The following CPS1 variants were observed in gnomAD, a reference collection of about 807,000 sequenced individuals.
The protein encoded by CPS1 is carbamoyl-phosphate synthase [ammonia], mitochondrial.
A neutral mutation model predicts 174.6 loss-of-function variants in CPS1; 109 were observed. The ratio of observed to expected loss-of-function variants is 0.62; its 90% CI spans 0.53 to 0.73. The LOEUF (loss-of-function observed/expected upper bound fraction) is 0.73, where lower values mean the gene tolerates loss of function less well. CPS1 is among the 30% of genes least tolerant of loss of function. The pLI is 0.00. For missense variants in CPS1, 1,689 were observed against 1,821.9 expected, an observed-to-expected ratio of 0.93 and a Z score of 1.33; for synonymous variants, 637 against 632.0, an observed-to-expected ratio of 1.01 and a Z score of -0.12.
At chr2:210,570,872 T>C (rs897205960) in intron 1 of CPS1, among the ~76,000 whole-genome samples, 1 of 151,954 alleles carries the variant, frequency 6.6e-6, no homozygotes, top group African/African-American at 2.4e-5. Context: ...AACACACTTC[T>C]ATTCAGACCC....
chr2:210,515,422 T>G (rs895394417), intron 1 of CPS1, among the ~76,000 whole-genome samples: 6 of 151,812 alleles, frequency 4.0e-5, no homozygotes, highest in Non-Finnish European at 4.4e-5. Context: ...TCTTTCTGAT[T>G]AAATGTTAGT....
chr2:210,670,375 G>A (rs1018543419), intron 34 of CPS1, among the ~76,000 whole-genome samples: 10 of 152,124 alleles, frequency 6.6e-5, no homozygotes, highest in Middle Eastern at 3.4e-3. Flanking sequence ...CTGAAAAAGC[G>A]TGACAGAATA....
chr2:210,536,648 A>G (rs1574501149), intron 1 of CPS1, among the ~76,000 whole-genome samples: 1 of 152,128 alleles, frequency 6.6e-6, no homozygotes, highest in African/African-American at 2.4e-5. Flanking sequence ...TTCTTTAGAT[A>G]TAAGCCCCAT....
intron 1 of CPS1, among the ~76,000 whole-genome samples, chr2:210,564,466 C>G (rs1284429778): frequency 6.6e-6 from 1 of 151,930 alleles, no homozygotes; most frequent in African/African-American, 2.4e-5. Context: ...AGGTCCGCCT[C>G]CGGGGTTCAC....
rs66825517 is a variant in CPS1, at chr2:210,491,307, G to GTTTTT, written c.3+13568_3+13572dup. 1.1e-3 allele frequency among the ~76,000 whole-genome samples: 55 copies of GTTTTT among 50,352 alleles called. 6 individuals carry two copies. The highest frequency in any genetic ancestry group is 4.4e-3 in the African/African-American group (44 of 9,982). The allele number at this position is 50,352 out of a possible 152,430, so 33.0% of individuals were successfully genotyped here. ...GTAAAAGCATGTATTTGGTATCTGT[G>GTTTTT]TTTTTTTTTTTTTTTTTTTTTTTTT... On this transcript the variant is annotated intron_variant, in intron 1 of 38. Coordinates refer to the CPS1 transcript ENST00000430249.
At chr2:210,579,664 T>C in intron 4 of CPS1, 50 bp from the exon 5 acceptor site, 1 of 1,438,482 alleles carries the variant, frequency 7.0e-7, no homozygotes, top group Non-Finnish European at 9.8e-7. Flanking sequence ...AACAATATGC[T>C]GGATTTAATC....
chr2:210,478,000 T>A (rs1402978285), intron 1 of CPS1, among the ~76,000 whole-genome samples: 1 of 152,240 alleles, frequency 6.6e-6, no homozygotes, highest in African/African-American at 2.4e-5. Flanking sequence ...ATTTTACTAA[T>A]CCTTTCCCCT....
intron 21 of CPS1, among the ~76,000 whole-genome samples, chr2:210,631,591 TTCAG>T (rs1422411154): frequency 1.2e-4 from 19 of 152,168 alleles, no homozygotes; most frequent in Admixed American, 2.6e-4. Flanking sequence ...CTTCTAAAAT[TTCAG>T]TCATTTTGTG....
chr2:210,602,541 C>G (rs1360806982), intron 16 of CPS1, among the ~76,000 whole-genome samples: 2 of 151,928 alleles, frequency 1.3e-5, no homozygotes, highest in African/African-American at 4.8e-5. Flanking sequence ...CCACATGGTT[C>G]AAGGTAAACC....
intron 27 of CPS1, 152 bp downstream of exon 27, chr2:210,648,692 T>A (rs1700463075): frequency 4.1e-6 from 3 of 724,844 alleles, no homozygotes; most frequent in Non-Finnish European, 7.3e-6. Flanking sequence ...TAAGGACCAA[T>A]GTGTGGTCTT....
In CPS1 at chr2:210,491,307, GT is replaced by G. The variant is rs66825517; in HGVS notation, c.3+13572del. Among the ~76,000 whole-genome samples the G allele has an allele frequency of 1.7e-3, 85 of 50,328 alleles. 1 individual carries two copies. The highest frequency in any genetic ancestry group is 6.1e-3 in the African/African-American group (61 of 9,966). 33.0% of individuals were successfully genotyped at this position (50,328 alleles called of 152,430 possible). On this transcript the variant is annotated intron_variant, in intron 1 of 38. Coordinates refer to the CPS1 transcript ENST00000430249. Reference sequence around the variant, plus strand: ...GTAAAAGCATGTATTTGGTATCTGTGTTTTTTTTTTTTTTTTTTTTTTTTTT... The same window carrying G: ...GTAAAAGCATGTATTTGGTATCTGTGTTTTTTTTTTTTTTTTTTTTTTTTT...
At chr2:210,676,601 G>C (rs1701544673) in intron 36 of CPS1, among the ~76,000 whole-genome samples, 1 of 152,198 alleles carries the variant, frequency 6.6e-6, no homozygotes, top group Admixed American at 6.5e-5. Context: ...ATAGCTCCGT[G>C]TTTGGGGCAT....
At position 210,583,490 on chromosome 2, in the gene CPS1, A is replaced by C. The variant is rs150261939; in HGVS notation, c.621+781A>C. On this transcript the variant is annotated intron_variant, in intron 6 of 37. Coordinates refer to ENST00000233072, the MANE Select transcript of CPS1 (RefSeq NM_001875.5). ...AGCATTGAAATGGGATAGGTGGATC[A>C]GAGAAGGCCCTGTAGAAATGTGAGT... 2.1e-3 allele frequency among the ~76,000 whole-genome samples: 313 copies of C among 152,246 alleles called. 2 individuals are homozygous for C. Among genetic ancestry groups the C allele is most frequent in the African/African-American group, 7.4e-3 (309 of 41,552 alleles).
In CPS1 at chr2:210,495,395, G is replaced by T. The variant is rs184354919; in HGVS notation, c.3+17629G>T. Among the ~76,000 whole-genome samples the T allele has an allele frequency of 2.9e-4, 44 of 152,158 alleles. 1 individual carries two copies. Among genetic ancestry groups the T allele is most frequent in the Non-Finnish European group, 2.9e-5 (2 of 68,006 alleles). On this transcript the variant is annotated intron_variant, in intron 1 of 38. Transcript: ENST00000430249. ...CTCAAGAACTAGGTCTGAGCCTAAGGGATGCCACAAAACTCAGTAGTCACA... is the reference window on the plus strand; with the variant it reads ...CTCAAGAACTAGGTCTGAGCCTAAGTGATGCCACAAAACTCAGTAGTCACA...
intron 21 of CPS1, among the ~76,000 whole-genome samples, chr2:210,631,958 A>G (rs1181470468): frequency 1.3e-5 from 2 of 152,250 alleles, no homozygotes; most frequent in Admixed American, 1.3e-4. Flanking sequence ...TCTTCAGCTG[A>G]TCACATTTCT....
chr2:210,595,465 G>T (rs967241928), intron 12 of CPS1, 22 bp from the exon 13 acceptor site: 1 of 1,522,310 alleles, frequency 6.6e-7, no homozygotes, highest in Non-Finnish European at 9.1e-7. Flanking sequence ...TAATAACAGT[G>T]TCTTTTTCTT....
In CPS1 at chr2:210,615,534, G is replaced by C. The variant is rs185251338; in HGVS notation, c.2569-889G>C. ...TTAATGGGTCTTAAAAACGCAGTGT[G>C]TTATTCTAAAATATGTTGTTCTGGA... is the stretch of plus-strand genomic sequence containing the variant. On this transcript the variant is annotated intron_variant, in intron 20 of 37. Transcript: ENST00000233072. 1.3e-3 allele frequency among the ~76,000 whole-genome samples: 204 copies of C among 152,076 alleles called. 1 individual carries two copies. The highest frequency in any genetic ancestry group is 3.2e-3 in the Admixed American group (48 of 15,234).
At chr2:210,548,045 G>T (rs867166483) in intron 1 of CPS1, among the ~76,000 whole-genome samples, 7 of 151,712 alleles carry the variant, frequency 4.6e-5, no homozygotes, top group African/African-American at 1.7e-4. Context: ...AAATTTTTGG[G>T]GTCAAAGTCT....
intron 1 of CPS1, among the ~76,000 whole-genome samples, chr2:210,532,009 A>T (rs890661164): frequency 1.4e-4 from 22 of 152,070 alleles, no homozygotes; most frequent in Admixed American, 2.0e-4. Flanking sequence ...TCTTCCAAGG[A>T]TGTGGAGTAC....
Sources: gnomAD v4.1 joint callset for allele counts (sites outside exome capture counted in the v4.1 genomes callset) on GRCh38, gnomAD v4.1.1 for gene constraint, MANE v1.5 for transcripts, NCBI Gene and HGNC (gene_info 2026-07-23, HGNC 2026-07-21) for gene names.